The following HDAC9 variants were observed in gnomAD, a reference collection of about 807,000 sequenced individuals.
The protein encoded by HDAC9 is histone deacetylase 9, also known as MEF-2 interacting transcription repressor (MITR) protein.
Under a neutral mutation model 139.4 loss-of-function variants are expected in HDAC9, and 41 were observed. The observed-to-expected ratio is 0.29, with a 90% CI of 0.23 to 0.38. The LOEUF is 0.38. Ranked by LOEUF, HDAC9 falls within the 10% of genes least tolerant of loss-of-function variation. The probability of loss-of-function intolerance (pLI) is 1.00; values close to 1 mark genes in which losing one functional copy is unlikely to be tolerated. For synonymous variants in HDAC9, 517 were observed against 476.2 expected, an observed-to-expected ratio of 1.09 and a Z score of -1.12; for missense variants, 1,147 against 1,297.0, an observed-to-expected ratio of 0.88 and a Z score of 1.78.
At chr7:18,405,248 T>A (rs1199783558) in intron 1 of HDAC9, among the ~76,000 whole-genome samples, 1 of 152,214 alleles carries the variant, frequency 6.6e-6, no homozygotes, top group Non-Finnish European at 1.5e-5. Flanking sequence ...TCCCTAGCTC[T>A]CCCTTAAAAC....
At chr7:18,170,811 G>A (rs192229119) in intron 2 of HDAC9, among the ~76,000 whole-genome samples, 3 of 152,236 alleles carry the variant, frequency 2.0e-5, no homozygotes, top group Admixed American at 6.5e-5. Context: ...CTATATCTCT[G>A]TTTTGGTACC....
chr7:18,270,406 A>G (rs188677400), intron 2 of HDAC9, among the ~76,000 whole-genome samples: 11 of 152,296 alleles, frequency 7.2e-5, no homozygotes, highest in Admixed American at 3.3e-4. Flanking sequence ...AAAAAGTTCA[A>G]TGCTACATTA....
At chr7:18,904,853 G>A (rs977619780) in intron 22 of HDAC9, among the ~76,000 whole-genome samples, 1 of 151,788 alleles carries the variant, frequency 6.6e-6, no homozygotes, top group African/African-American at 2.4e-5. Context: ...GGGATTACAG[G>A]CATGAGCCGC....
intron 11 of HDAC9, among the ~76,000 whole-genome samples, chr7:18,661,824 A>T (rs1268144744): frequency 6.6e-6 from 1 of 151,974 alleles, no homozygotes; most frequent in Non-Finnish European, 1.5e-5. Flanking sequence ...GATGAAGCCA[A>T]AGAAACTGAC....
At chr7:18,327,110 G>T (rs1800507348) in intron 1 of HDAC9, among the ~76,000 whole-genome samples, 1 of 151,226 alleles carries the variant, frequency 6.6e-6, no homozygotes, top group Non-Finnish European at 1.5e-5. Context: ...TATTTGAGCT[G>T]GTTTTACATT....
At chr7:18,359,581 G>T (rs1783611755) in intron 1 of HDAC9, among the ~76,000 whole-genome samples, 2 of 152,106 alleles carry the variant, frequency 1.3e-5, no homozygotes. Context: ...CACCTGCTTT[G>T]TGTCTCCAGG....
At chr7:18,988,483 G>A (rs1227362003) in intron 25 of HDAC9, among the ~76,000 whole-genome samples, 1 of 151,288 alleles carries the variant, frequency 6.6e-6, no homozygotes. Context: ...TTACTTCCAA[G>A]TATGTGGTCA....
chr7:18,362,249 C>G (rs568328279), intron 1 of HDAC9, among the ~76,000 whole-genome samples: 40 of 152,174 alleles, frequency 2.6e-4, no homozygotes, highest in Non-Finnish European at 4.3e-4. Flanking sequence ...TTGCAGAGAT[C>G]GTAGGATTCT....
chr7:18,947,240 A>G lies in HDAC9; in HGVS notation c.2938-6906A>G, dbSNP rs75809160. ...GAATCAAAGCAGCAAATTAAATGCA[A>G]AGAAACCAAAGAAGATATAAATAAA... On this transcript the variant is annotated intron_variant, in intron 23 of 25. Coordinates refer to ENST00000686413, the MANE Select transcript of HDAC9 (RefSeq NM_178425.4). 5.6e-3 allele frequency among the ~76,000 whole-genome samples: 857 copies of G among 152,074 alleles called. 33 individuals carry two copies. The East Asian group carries it at 0.098, about 17-fold the overall frequency.
At chr7:18,269,043 GA>G (rs1191909545) in intron 2 of HDAC9, among the ~76,000 whole-genome samples, 1 of 152,124 alleles carries the variant, frequency 6.6e-6, no homozygotes, top group African/African-American at 2.4e-5. Context: ...TAGTTACTTA[GA>G]TTTCCATCAT....
intron 1 of HDAC9, among the ~76,000 whole-genome samples, chr7:18,100,119 A>G (rs959398461): frequency 2.0e-5 from 3 of 152,058 alleles, no homozygotes; most frequent in African/African-American, 7.2e-5. Context: ...TTTTCTTTTA[A>G]TAGTTTAAAG....
intron 12 of HDAC9, among the ~76,000 whole-genome samples, chr7:18,680,699 G>A (rs1781834561): frequency 1.3e-5 from 2 of 152,014 alleles, no homozygotes; most frequent in Admixed American, 1.3e-4. Context: ...CCAGGCAGTG[G>A]CATATGGAAA....
At chr7:18,374,988 T>C (rs940542686) in intron 1 of HDAC9, among the ~76,000 whole-genome samples, 5 of 152,112 alleles carry the variant, frequency 3.3e-5, no homozygotes, top group Non-Finnish European at 7.3e-5. Flanking sequence ...CTAGCACATA[T>C]AGTTATGTAC....
intron 1 of HDAC9, among the ~76,000 whole-genome samples, chr7:18,100,777 C>T (rs1782799292): frequency 6.6e-6 from 1 of 151,962 alleles, no homozygotes; most frequent in Admixed American, 6.5e-5. Flanking sequence ...TTTCCTATAT[C>T]TTTGCATGCC....
chr7:18,527,059 C>T (rs1586687016), intron 2 of HDAC9, among the ~76,000 whole-genome samples: 1 of 152,154 alleles, frequency 6.6e-6, no homozygotes, highest in East Asian at 1.9e-4. Context: ...GAAAAGAGTT[C>T]TTGAGGTTAT....
At chr7:18,660,821 G>A (rs531333257) in intron 11 of HDAC9, among the ~76,000 whole-genome samples, 1 of 152,104 alleles carries the variant, frequency 6.6e-6, no homozygotes, top group African/African-American at 2.4e-5. Flanking sequence ...GGTAGCTGGA[G>A]CATGTGAGAA....
chr7:18,226,999 T>C (rs181841883), intron 2 of HDAC9, among the ~76,000 whole-genome samples: 5 of 152,316 alleles, frequency 3.3e-5, no homozygotes, highest in Admixed American at 3.3e-4. Flanking sequence ...ATTAGTGGTA[T>C]GCAAGGAAAG....
At chr7:18,240,201 C>T (rs1458218560) in intron 2 of HDAC9, among the ~76,000 whole-genome samples, 1 of 152,112 alleles carries the variant, frequency 6.6e-6, no homozygotes, top group Non-Finnish European at 1.5e-5. Context: ...ACAATTAAAA[C>T]CACCATGGTA....
intron 1 of HDAC9, among the ~76,000 whole-genome samples, chr7:18,468,409 A>G (rs1440325521): frequency 6.6e-6 from 1 of 152,044 alleles, no homozygotes; most frequent in Non-Finnish European, 1.5e-5. Flanking sequence ...TCAAATTGTT[A>G]TAGCTTTAAC....
Sources: allele counts gnomAD v4.1 joint callset (sites outside exome capture counted in the v4.1 genomes callset), GRCh38; gene constraint gnomAD v4.1.1; transcripts MANE v1.5; gene names NCBI Gene and HGNC (gene_info 2026-07-23, HGNC 2026-07-21).